Variants in CACNA1A observed in about 807,000 individuals in gnomAD.
The protein encoded by CACNA1A is calcium voltage-gated channel subunit alpha1 A, also known as voltage-dependent P/Q-type calcium channel subunit alpha-1A.
CACNA1A carries 57 observed loss-of-function variants against 262.4 expected under a neutral mutation model. The ratio of observed to expected loss-of-function variants is 0.22; its 90% CI spans 0.18 to 0.27. The LOEUF (loss-of-function observed/expected upper bound fraction) is 0.27. CACNA1A is among the 10% of genes least tolerant of loss of function. The pLI, the probability that CACNA1A is intolerant of heterozygous loss-of-function variation, is 1.00. For synonymous variants in CACNA1A, 1,431 were observed against 1,419.3 expected (o/e 1.01, Z -0.18); for missense variants, 2,526 against 3,562.8 (o/e 0.71, Z 7.41).
intron 6 of CACNA1A, among the ~76,000 whole-genome samples, chr19:13,349,928 A>G (rs1465065488): frequency 3.3e-5 from 5 of 152,168 alleles, no homozygotes; most frequent in Admixed American, 2.0e-4. Flanking sequence ...CTGGCCCAGG[A>G]AGGTCCAGGG....
At chr19:13,345,112 T>C (rs995795302) in intron 6 of CACNA1A, among the ~76,000 whole-genome samples, 2 of 152,014 alleles carry the variant, frequency 1.3e-5, no homozygotes, top group Non-Finnish European at 2.9e-5. Context: ...CAAATCCAAA[T>C]GATTAAGCTA....
chr19:13,433,649 T>G (rs1406625224), intron 3 of CACNA1A, among the ~76,000 whole-genome samples: 1 of 151,658 alleles, frequency 6.6e-6, no homozygotes, highest in Non-Finnish European at 1.5e-5. Flanking sequence ...TAATAAGGGA[T>G]GCAAAAAGCC....
chr19:13,490,670 A>G (rs1361624927), intron 1 of CACNA1A, among the ~76,000 whole-genome samples: 1 of 143,814 alleles, frequency 7.0e-6, no homozygotes, highest in African/African-American at 2.6e-5. Flanking sequence ...GAAGGAAAGA[A>G]AGAGAGAGAG....
chr19:13,415,201 T>C (rs907787251), intron 3 of CACNA1A, among the ~76,000 whole-genome samples: 1 of 151,782 alleles, frequency 6.6e-6, no homozygotes, highest in East Asian at 1.9e-4. Context: ...CCTGTCTTCC[T>C]CCGAGACAGA....
intron 1 of CACNA1A, among the ~76,000 whole-genome samples, chr19:13,462,210 G>A (rs2061135957): frequency 6.6e-6 from 1 of 152,164 alleles, no homozygotes; most frequent in Admixed American, 6.5e-5. Context: ...GCCTCCTGTG[G>A]TTGGTGCGGA....
intron 6 of CACNA1A, among the ~76,000 whole-genome samples, chr19:13,338,899 T>C (rs1054273385): frequency 7.2e-5 from 11 of 152,186 alleles, no homozygotes. Context: ...GGAGTCTTAC[T>C]CTGTTGCCGA....
Position 13,317,088 on chromosome 19 carries a change from G to A in CACNA1A, c.1555+24C>T, listed in dbSNP as rs10422728. 1,422 of 1,528,652 alleles carry A rather than the reference G, an allele frequency of 9.3e-4. 12 individuals carry two copies. In the African/African-American group the frequency reaches 0.017, roughly 18 times the overall value. 94.7% of individuals were successfully genotyped at this position (1,528,652 alleles called of 1,614,324 possible). The stretch of plus-strand genomic sequence containing the variant: ...TGAGGGAGGGATCAGGGAGTTGGCA[G>A]GGGTGGGGCTGGGTGATACTCACAA... On this transcript the variant is annotated intron_variant, in intron 11 of 46. Transcript: ENST00000360228.
chr19:13,307,741 A>G, intron 15 of CACNA1A, 41 bp downstream of exon 15: 1 of 1,556,282 alleles, frequency 6.4e-7, no homozygotes, highest in Non-Finnish European at 8.9e-7. Context: ...CATCTGTGAC[A>G]CTGAGAGGTG....
chr19:13,221,243 T>TCTTTCTTTC (rs1298107824), intron 38 of CACNA1A, among the ~76,000 whole-genome samples: 2 of 91,090 alleles, frequency 2.2e-5, no homozygotes, highest in African/African-American at 9.1e-5. Context: ...TCTTTTTTTT[T>TCTTTCTTTC]TTTTTTTTGA....
At chr19:13,325,074 T>C (rs939257752) in intron 10 of CACNA1A, among the ~76,000 whole-genome samples, 7 of 136,280 alleles carry the variant, frequency 5.1e-5, no homozygotes, top group Non-Finnish European at 7.8e-5. Flanking sequence ...CCTCCTCCTC[T>C]TCTTCTTCCC....
At chr19:13,427,774 A>AAAACAAAC (rs60914806) in intron 3 of CACNA1A, among the ~76,000 whole-genome samples, 123 of 150,916 alleles carry the variant, frequency 8.2e-4, no homozygotes, top group African/African-American at 2.9e-3. Context: ...CACAGTGGTA[A>AAAACAAAC]AAACAAACAA....
rs992208155 is a variant in CACNA1A, at chr19:13,212,852, T to C, written c.5941-112A>G. ...TACACACACACACACACACACACTC[T>C]CTCAGGTCTCATCCATCTAGACCCT... On this transcript the variant is annotated intron_variant, in intron 40 of 46. Transcript: ENST00000360228. The surrounding 1 kb of genome is among the most constrained non-coding windows in gnomAD (Gnocchi z 5.6). 16 of 477,040 alleles carry C rather than the reference T, an allele frequency of 3.4e-5. No homozygotes were observed. Among genetic ancestry groups the C allele is most frequent in the Non-Finnish European group, 5.9e-5 (16 of 270,528 alleles). 29.6% of individuals were successfully genotyped at this position (477,040 alleles called of 1,614,324 possible). A position where few individuals can be genotyped will look rare whatever the true frequency, so the allele number is the denominator to read the frequency against.
intron 1 of CACNA1A, among the ~76,000 whole-genome samples, chr19:13,477,699 G>A (rs560651924): frequency 6.6e-6 from 1 of 152,312 alleles, no homozygotes; most frequent in Admixed American, 6.5e-5. Flanking sequence ...AGGTGATGCT[G>A]TATCTGGTTC....
chr19:13,325,446 T>C (rs536021190), intron 10 of CACNA1A, among the ~76,000 whole-genome samples: 1 of 152,222 alleles, frequency 6.6e-6, no homozygotes, highest in African/African-American at 2.4e-5. Context: ...CAGGCCTGTA[T>C]TATTGCATTC....
intron 1 of CACNA1A, among the ~76,000 whole-genome samples, chr19:13,486,826 CTT>C (rs1035890063): frequency 2.6e-5 from 4 of 151,968 alleles, no homozygotes; most frequent in African/African-American, 9.7e-5. Context: ...ATCTCTGTCT[CTT>C]TCTCACCTTC....
intron 1 of CACNA1A, among the ~76,000 whole-genome samples, chr19:13,463,753 A>T (rs568117443): frequency 2.3e-4 from 35 of 152,344 alleles, no homozygotes; most frequent in Middle Eastern, 3.4e-3. Context: ...ATTATCCAAC[A>T]ATGTCCAACA....
Position 13,228,795 on chromosome 19 carries a change from G to A in CACNA1A, c.5529-1268C>T, listed in dbSNP as rs765557914. On this transcript the variant is annotated intron_variant, in intron 36 of 46. Transcript: ENST00000360228. The stretch of plus-strand genomic sequence containing the variant: ...ACATATCCTTATAATGAATCCGACC[G>A]CTGAAAGGAGAAGAAAGGGGGTTAG... The A allele has an allele frequency of 1.6e-5, 25 of 1,565,494 alleles. No individual in the cohort carries two copies. Among genetic ancestry groups the A allele is most frequent in the East Asian group, 4.8e-5 (2 of 41,884 alleles).
intron 26 of CACNA1A, chr19:13,260,084 G>C (rs1167348920): frequency 6.0e-6 from 1 of 166,518 alleles, no homozygotes; most frequent in Non-Finnish European, 1.3e-5. Flanking sequence ...TCAGGCTAAG[G>C]GAGGTTGCTA....
At chr19:13,311,761 T>C (rs528095202) in intron 12 of CACNA1A, among the ~76,000 whole-genome samples, 5 of 151,922 alleles carry the variant, frequency 3.3e-5, no homozygotes, top group Non-Finnish European at 7.4e-5. Context: ...GGAGTGAACC[T>C]GGGAGGCGGA....
Sources: gnomAD v4.1 joint callset for allele counts (sites outside exome capture counted in the v4.1 genomes callset) on GRCh38, gnomAD v4.1.1 for gene constraint, Gnocchi (gnomAD v3.1) non-coding constraint, MANE v1.5 for transcripts, NCBI Gene and HGNC (gene_info 2026-07-23, HGNC 2026-07-21) for gene names.